Variants in CNTN1 observed in about 807,000 individuals in gnomAD.
CNTN1 encodes the protein contactin-1.
A neutral mutation model predicts 126.4 loss-of-function variants in CNTN1; 38 were observed. The ratio of observed to expected loss-of-function variants is 0.30; its 90% CI spans 0.23 to 0.39. The LOEUF (loss-of-function observed/expected upper bound fraction) is 0.39. Among genes scored for constraint, CNTN1 ranks in the 10% least tolerant of loss-of-function variants. The pLI is 1.00. For synonymous variants in CNTN1, 413 were observed against 422.6 expected, an observed-to-expected ratio of 0.98 and a Z score of 0.28; for missense variants, 1,009 against 1,248.4, an observed-to-expected ratio of 0.81 and a Z score of 2.89.
rs1478025106 is a variant in CNTN1, at chr12:40,933,490, G to A, written c.733G>A (p.Val245Ile). 12 of 1,611,078 alleles carry A rather than the reference G, an allele frequency of 7.4e-6. No individual in the cohort carries two copies. Among genetic ancestry groups the A allele is most frequent in the African/African-American group, 1.3e-5 (1 of 74,768 alleles). The stretch of plus-strand genomic sequence containing the variant: ...AACAAAACCATATCCTGCTGATATT[G>A]TAGTTCAGTTCAAGGATGTATATGC... ...RTTKPYPADI[V>I]VQFKDVYALM... Residue 245 changes from valine to isoleucine, a missense_variant, in exon 8 of 24, where the codon GTA (valine) becomes ATA (isoleucine). Physicochemically the swap from Val to Ile is conservative, Grantham distance 29. Transcript: ENST00000551295.
chr12:40,842,307 AAG>A (rs777136382), intron 1 of CNTN1, among the ~76,000 whole-genome samples: 1 of 152,088 alleles, frequency 6.6e-6, no homozygotes, highest in Non-Finnish European at 1.5e-5. Flanking sequence ...TAGCAGGTAG[AAG>A]GAATAAGTTC....
chr12:40,731,254 T>C (rs78547793), intron 1 of CNTN1, among the ~76,000 whole-genome samples: 2,579 of 152,098 alleles, frequency 0.017, 74 homozygotes, highest in African/African-American at 0.059. Flanking sequence ...GGGAGGGATA[T>C]AACAACATAT....
At chr12:40,999,547 G>T (rs192703276) in intron 17 of CNTN1, among the ~76,000 whole-genome samples, 117 of 152,078 alleles carry the variant, frequency 7.7e-4, no homozygotes, top group African/African-American at 2.8e-3. Flanking sequence ...TAAATATGTA[G>T]GTTTTGTGTC....
chr12:41,002,028 A>T (rs1333724107), intron 17 of CNTN1, among the ~76,000 whole-genome samples: 1 of 152,034 alleles, frequency 6.6e-6, no homozygotes, highest in Non-Finnish European at 1.5e-5. Flanking sequence ...TGATTACCGT[A>T]GCCCTGTAGA....
At chr12:40,809,120 A>G (rs1940960417) in intron 1 of CNTN1, among the ~76,000 whole-genome samples, 1 of 152,194 alleles carries the variant, frequency 6.6e-6, no homozygotes, top group South Asian at 2.1e-4. Flanking sequence ...GTATTTCTAT[A>G]TAAAGTAACA....
At chr12:40,746,500 G>A (rs1274528621) in intron 1 of CNTN1, among the ~76,000 whole-genome samples, 1 of 152,096 alleles carries the variant, frequency 6.6e-6, no homozygotes, top group African/African-American at 2.4e-5. Flanking sequence ...TTATTTAAAA[G>A]CTTTAGAGCA....
chr12:40,844,723 T>TTTATGCATACCCATGCAATGAAAACTA (rs1326460966), intron 1 of CNTN1, among the ~76,000 whole-genome samples: 51 of 152,322 alleles, frequency 3.3e-4, no homozygotes, highest in Admixed American at 2.8e-3. Flanking sequence ...GGACCTACTA[T>TTTATGCATACCCATGCAATGAAAACTA]TTATGCATAC....
chr12:40,948,258 CTTTTTTTT>C (rs58087551), intron 14 of CNTN1, among the ~76,000 whole-genome samples: 1 of 62,682 alleles, frequency 1.6e-5, no homozygotes, highest in African/African-American at 6.5e-5. Context: ...TTCTTTCTTT[CTTTTTTTT>C]TTTTTTTTTT....
intron 1 of CNTN1, among the ~76,000 whole-genome samples, chr12:40,875,712 A>G (rs746738166): frequency 4.6e-5 from 7 of 152,074 alleles, no homozygotes; most frequent in Admixed American, 6.6e-5. Flanking sequence ...TTTATAGCTT[A>G]TAGTAGATCA....
chr12:40,943,746 C>T (rs753891808), intron 13 of CNTN1, 22 bp downstream of exon 13: 1 of 1,611,010 alleles, frequency 6.2e-7, no homozygotes, highest in Admixed American at 1.7e-5. Flanking sequence ...TTTGAGGGTG[C>T]TTAATTTCTA....
intron 1 of CNTN1, among the ~76,000 whole-genome samples, chr12:40,721,338 T>G (rs1441531042): frequency 6.6e-6 from 1 of 152,102 alleles, no homozygotes; most frequent in Admixed American, 6.5e-5. Flanking sequence ...CAGGACCACC[T>G]CCTTTTTTTT....
chr12:40,695,198 C>T (rs1312238331), intron 1 of CNTN1, among the ~76,000 whole-genome samples: 10 of 152,158 alleles, frequency 6.6e-5, no homozygotes, highest in Non-Finnish European at 1.5e-4. Context: ...TAATAAGTAG[C>T]CTTAAAGATT....
intron 1 of CNTN1, among the ~76,000 whole-genome samples, chr12:40,885,218 T>G (rs551100218): frequency 6.6e-5 from 10 of 151,944 alleles, no homozygotes; most frequent in South Asian, 4.1e-4. Context: ...CCTACATGAC[T>G]CAGGTGTTTC....
intron 15 of CNTN1, among the ~76,000 whole-genome samples, chr12:40,968,608 C>G (rs973658096): frequency 6.6e-6 from 1 of 152,000 alleles, no homozygotes; most frequent in African/African-American, 2.4e-5. Context: ...ATTTAAATAT[C>G]TTAGATTATA....
At chr12:41,040,387 A>G (rs1453132951) in intron 23 of CNTN1, among the ~76,000 whole-genome samples, 1 of 152,150 alleles carries the variant, frequency 6.6e-6, no homozygotes, top group African/African-American at 2.4e-5. Flanking sequence ...CATGATGTTC[A>G]AAGTTAAATA....
At chr12:40,819,613 ATTGT>A (rs2136523793) in intron 1 of CNTN1, among the ~76,000 whole-genome samples, 1 of 152,094 alleles carries the variant, frequency 6.6e-6, no homozygotes, top group South Asian at 2.1e-4. Context: ...CATGTTAGGC[ATTGT>A]AGGTCCCAGT....
chr12:41,046,919 A>T lies in CNTN1; in HGVS notation c.2980+17700A>T, dbSNP rs1260249308. Reference sequence around the variant, plus strand: ...GCTCCTGCCTTGAATGTCAGCTCAGATTCCACGGTTCATATTGAAAACAAC... The same window carrying T: ...GCTCCTGCCTTGAATGTCAGCTCAGTTTCCACGGTTCATATTGAAAACAAC... On this transcript the variant is annotated intron_variant, in intron 23 of 23. Coordinates refer to ENST00000551295, the MANE Select transcript of CNTN1 (RefSeq NM_001843.4). Among the ~76,000 whole-genome samples, 3 of 142,344 alleles carry T rather than the reference A, an allele frequency of 2.1e-5. No individual in the cohort carries two copies. The East Asian group carries it at 6.1e-4, about 29-fold the overall frequency. The allele number at this position is 142,344 out of a possible 152,430, so 93.4% of individuals were successfully genotyped here.
Position 40,876,654 on chromosome 12 carries a change from ATG to A in CNTN1, c.-76-31699_-76-31698del, listed in dbSNP as rs1332604180. On this transcript the variant is annotated intron_variant, in intron 1 of 23. Coordinates refer to ENST00000551295, the MANE Select transcript of CNTN1 (RefSeq NM_001843.4). ...ATTCCATTATTATTTAAAAAGTTGTATGTGTCTATTTTTATACCAAAACATTT... is the reference window on the plus strand; with the variant it reads ...ATTCCATTATTATTTAAAAAGTTGTATGTCTATTTTTATACCAAAACATTT... Among the ~76,000 whole-genome samples, 5 of 152,262 alleles carry A rather than the reference ATG, an allele frequency of 3.3e-5. No individual in the cohort carries two copies. In the East Asian group the frequency reaches 7.7e-4, roughly 23 times the overall value.
At chr12:40,943,474 T>A in intron 12 of CNTN1, 123 bp from the exon 13 acceptor site, 1 of 714,886 alleles carries the variant, frequency 1.4e-6, no homozygotes. Context: ...TACAAAAATG[T>A]CTGTGGTCGC....
Sources: gnomAD v4.1 joint callset for allele counts (sites outside exome capture counted in the v4.1 genomes callset) on GRCh38, gnomAD v4.1.1 for gene constraint, MANE v1.5 for transcripts, NCBI Gene and HGNC (gene_info 2026-07-23, HGNC 2026-07-21) for gene names.